KCNQ5: variants seen among roughly 807,000 people sequenced by gnomAD.
The protein encoded by KCNQ5 is potassium voltage-gated channel subfamily KQT member 5.
KCNQ5 carries 30 observed loss-of-function variants against 98.2 expected under a neutral mutation model. The ratio of observed to expected loss-of-function variants is 0.31; its 90% CI spans 0.23 to 0.41. The LOEUF is 0.41. KCNQ5 is among the 10% of genes least tolerant of loss of function. The pLI is 1.00. For synonymous variants in KCNQ5, 458 were observed against 449.4 expected (o/e 1.02, Z -0.24); for missense variants, 835 against 1,182.5 (o/e 0.71, Z 4.31).
chr6:73,060,692 GAAA>G, intron 3 of KCNQ5, among the ~76,000 whole-genome samples: 1 of 152,092 alleles, frequency 6.6e-6, no homozygotes, highest in East Asian at 1.9e-4. Context: ...TAGAAATCAA[GAAA>G]AACCCAACAA....
At chr6:72,763,498 A>G (rs927964330) in intron 1 of KCNQ5, among the ~76,000 whole-genome samples, 1 of 152,084 alleles carries the variant, frequency 6.6e-6, no homozygotes, top group Non-Finnish European at 1.5e-5. Context: ...TAAAATGTCA[A>G]TTACAAGTCA....
intron 1 of KCNQ5, among the ~76,000 whole-genome samples, chr6:72,709,803 C>T: frequency 6.6e-6 from 1 of 152,036 alleles, no homozygotes; most frequent in Non-Finnish European, 1.5e-5. Flanking sequence ...AATAAATACA[C>T]CCATTAATTT....
intron 1 of KCNQ5, among the ~76,000 whole-genome samples, chr6:72,914,062 T>A (rs1210218874): frequency 6.6e-6 from 1 of 152,088 alleles, no homozygotes; most frequent in East Asian, 1.9e-4. Context: ...TCAGGGGATA[T>A]GAGGGAGGGA....
intron 1 of KCNQ5, among the ~76,000 whole-genome samples, chr6:72,785,961 A>C (rs1265667709): frequency 6.6e-6 from 1 of 152,212 alleles, no homozygotes; most frequent in African/African-American, 2.4e-5. Flanking sequence ...GCACTACCCA[A>C]GAGACATATA....
At chr6:73,107,955 C>A (rs574524664) in intron 6 of KCNQ5, among the ~76,000 whole-genome samples, 20 of 152,160 alleles carry the variant, frequency 1.3e-4, no homozygotes, top group Non-Finnish European at 2.2e-4. Context: ...TTTATTATAT[C>A]CTGTGTATCT....
chr6:73,063,701 TA>T (rs777530506), intron 3 of KCNQ5, among the ~76,000 whole-genome samples: 22 of 123,108 alleles, frequency 1.8e-4, no homozygotes, highest in East Asian at 7.4e-4. Context: ...GATAGATAGA[TA>T]GATAGATAGA....
At position 72,622,656 on chromosome 6, in the gene KCNQ5, C is replaced by T. The variant is rs2098915958; in HGVS notation, c.398+69C>T. The T allele has an allele frequency of 4.5e-6, 7 of 1,565,512 alleles. No individual in the cohort carries two copies. Among genetic ancestry groups the T allele is most frequent in the Admixed American group, 3.7e-5 (2 of 53,360 alleles). ...TGTCCCTGGCCCCCTGGGGCGTGCT[C>T]CGCGCTCGCGCCCTTGGGCCCCCGC... On this transcript the variant is annotated intron_variant, in intron 1 of 13. Transcript: ENST00000370398. The surrounding 1 kb of genome is among the most constrained non-coding windows in gnomAD (Gnocchi z 6.0).
intron 1 of KCNQ5, among the ~76,000 whole-genome samples, chr6:72,930,815 C>T (rs531943491): frequency 2.6e-5 from 4 of 152,142 alleles, no homozygotes; most frequent in Non-Finnish European, 4.4e-5. Flanking sequence ...AATAAATGAA[C>T]GAGTAAACCA....
At chr6:72,790,250 T>C (rs1381401315) in intron 1 of KCNQ5, among the ~76,000 whole-genome samples, 1 of 152,166 alleles carries the variant, frequency 6.6e-6, no homozygotes, top group Non-Finnish European at 1.5e-5. Flanking sequence ...TAGTGAAAGT[T>C]CCTCAATATA....
intron 2 of KCNQ5, among the ~76,000 whole-genome samples, chr6:73,023,032 T>C (rs369513171): frequency 6.6e-6 from 1 of 152,190 alleles, no homozygotes; most frequent in Non-Finnish European, 1.5e-5. Context: ...TAATTTTGAC[T>C]ATGTCTTGAG....
At chr6:72,707,663 A>G (rs1202454024) in intron 1 of KCNQ5, among the ~76,000 whole-genome samples, 1 of 152,174 alleles carries the variant, frequency 6.6e-6, no homozygotes, top group Non-Finnish European at 1.5e-5. Flanking sequence ...CAGAATGTAA[A>G]CTAGATCCCA....
chr6:72,899,227 A>G (rs912406908), intron 1 of KCNQ5, among the ~76,000 whole-genome samples: 1 of 152,204 alleles, frequency 6.6e-6, no homozygotes, highest in Non-Finnish European at 1.5e-5. Context: ...TTTAACAAAA[A>G]GATTTTCTCC....
chr6:72,966,086 C>A (rs937968268), intron 1 of KCNQ5, among the ~76,000 whole-genome samples: 2 of 152,130 alleles, frequency 1.3e-5, no homozygotes, highest in Admixed American at 1.3e-4. Context: ...AAGCCAAATA[C>A]AGAAGATAGC....
Position 72,622,113 on chromosome 6 carries a change from A to T in KCNQ5, c.-77A>T. On this transcript the variant is annotated 5_prime_UTR_variant, in exon 1 of 14. Transcript: ENST00000370398. The surrounding 1 kb of genome is among the most constrained non-coding windows in gnomAD (Gnocchi z 6.0). The stretch of plus-strand genomic sequence containing the variant: ...CCGTCGGCCGCCGGCTTCCTCCTTG[A>T]AACCCGCCGGCGCACATGAGGCCGC... 8.5e-7 allele frequency: 1 copy of T among 1,174,696 alleles called. No homozygotes were observed. Among genetic ancestry groups the T allele is most frequent in the Non-Finnish European group, 1.1e-6 (1 of 943,268 alleles). 72.8% of individuals were successfully genotyped at this position (1,174,696 alleles called of 1,614,324 possible).
intron 1 of KCNQ5, among the ~76,000 whole-genome samples, chr6:72,664,975 G>A (rs1766723263): frequency 6.6e-6 from 1 of 152,126 alleles, no homozygotes; most frequent in African/African-American, 2.4e-5. Context: ...TATCAACTAC[G>A]TAGGCAGACT....
chr6:73,160,294 G>T (rs1455573698), intron 10 of KCNQ5, among the ~76,000 whole-genome samples: 1 of 152,206 alleles, frequency 6.6e-6, no homozygotes, highest in African/African-American at 2.4e-5. Flanking sequence ...GGGATTACAG[G>T]CGTGAGCCAC....
intron 1 of KCNQ5, among the ~76,000 whole-genome samples, chr6:72,644,440 A>C (rs1190567955): frequency 2.0e-5 from 3 of 152,170 alleles, no homozygotes; most frequent in Non-Finnish European, 4.4e-5. Flanking sequence ...AGCTGGGAAC[A>C]TATGTGAGAG....
intron 1 of KCNQ5, among the ~76,000 whole-genome samples, chr6:72,904,793 A>G (rs1354447734): frequency 2.6e-5 from 4 of 152,172 alleles, no homozygotes; most frequent in African/African-American, 9.7e-5. Flanking sequence ...CACAGTTTTT[A>G]AGATACTTTC....
In KCNQ5 at chr6:72,819,462, T is replaced by C. The variant is rs148502650; in HGVS notation, c.399-184446T>C. ...TATTACATAACTTGATTCATATTAT[T>C]TCATAATTTAAAGCCCTTTTTGTAC... On this transcript the variant is annotated intron_variant, in intron 1 of 13. Coordinates refer to ENST00000370398, the MANE Select transcript of KCNQ5 (RefSeq NM_019842.4). 9.7e-4 allele frequency among the ~76,000 whole-genome samples: 147 copies of C among 152,160 alleles called. 1 individual carries two copies. Among genetic ancestry groups the C allele is most frequent in the Non-Finnish European group, 1.5e-3 (99 of 68,024 alleles).
Sources: allele counts gnomAD v4.1 joint callset (sites outside exome capture counted in the v4.1 genomes callset), GRCh38; gene constraint gnomAD v4.1.1; non-coding constraint Gnocchi (gnomAD v3.1); transcripts MANE v1.5; gene names NCBI Gene and HGNC (gene_info 2026-07-23, HGNC 2026-07-21).